The following MYO16 variants were observed in gnomAD, a reference collection of about 807,000 sequenced individuals.
MYO16 encodes myosin XVI.
MYO16 carries 94 observed loss-of-function variants against 205.3 expected under a neutral mutation model. That is an observed-to-expected ratio of 0.46 (90% CI 0.39 to 0.54). The LOEUF is 0.54. MYO16 is among the 20% of genes least tolerant of loss of function. MYO16 has a pLI of 0.00. For missense variants in MYO16, 2,315 were observed against 2,387.5 expected (o/e 0.97, Z 0.63); for synonymous variants, 988 against 954.0 (o/e 1.04, Z -0.66).
chr13:109,126,015 A>C (rs1876231231), intron 30 of MYO16, among the ~76,000 whole-genome samples: 1 of 152,184 alleles, frequency 6.6e-6, no homozygotes, highest in Admixed American at 6.5e-5. Flanking sequence ...CACCCCTAAG[A>C]GGGAGGGCAA....
chr13:108,549,833 C>A, the MYO16 span, among the ~76,000 whole-genome samples: 10 of 152,148 alleles, frequency 6.6e-5, no homozygotes, highest in African/African-American at 1.9e-4. Flanking sequence ...GTTTAAAAGA[C>A]CCTAATATGT....
intron 3 of MYO16, among the ~76,000 whole-genome samples, chr13:108,716,164 C>T (rs1387123531): frequency 1.3e-5 from 2 of 152,188 alleles, no homozygotes; most frequent in Non-Finnish European, 2.9e-5. Context: ...AGTGAATTTT[C>T]AATGCATAGT....
Position 108,793,649 on chromosome 13 carries a change from A to C in MYO16, c.741+9A>C. 1.9e-6 allele frequency: 3 copies of C among 1,610,740 alleles called. No individual in the cohort carries two copies. Among genetic ancestry groups the C allele is most frequent in the Non-Finnish European group, 2.5e-6 (3 of 1,177,988 alleles). On this transcript the variant is annotated intron_variant, in intron 6 of 34. Coordinates refer to ENST00000457511, the MANE Select transcript of MYO16 (RefSeq NM_001198950.3). ...ATGAAGGAGTAACCCTGGTAAGTTC[A>C]TATATTTGACTCAGAAACTATTTGA... is the stretch of plus-strand genomic sequence containing the variant.
At chr13:108,640,084 T>C (rs1880435254) in intron 1 of MYO16, among the ~76,000 whole-genome samples, 1 of 152,164 alleles carries the variant, frequency 6.6e-6, no homozygotes, top group African/African-American at 2.4e-5. Context: ...ATGGGAGTTG[T>C]TAGCATACTG....
chr13:108,810,092 C>A (rs1293868506), intron 7 of MYO16, among the ~76,000 whole-genome samples: 1 of 152,132 alleles, frequency 6.6e-6, no homozygotes, highest in Non-Finnish European at 1.5e-5. Context: ...CCAGAAATGG[C>A]CATTTACAAT....
intron 1 of MYO16, among the ~76,000 whole-genome samples, chr13:108,620,371 A>C (rs1482684624): frequency 6.6e-6 from 1 of 152,136 alleles, no homozygotes. Context: ...CCTGAGTTTT[A>C]GGGCTGCTCT....
chr13:108,715,196 C>T (rs1883894028), intron 3 of MYO16, among the ~76,000 whole-genome samples: 3 of 152,198 alleles, frequency 2.0e-5, no homozygotes, highest in African/African-American at 7.2e-5. Context: ...TCAGCGCTGG[C>T]CCGTGCTCCT....
intron 2 of MYO16, among the ~76,000 whole-genome samples, chr13:108,668,872 C>T (rs908754536): frequency 1.3e-5 from 2 of 151,962 alleles, no homozygotes; most frequent in Non-Finnish European, 2.9e-5. Flanking sequence ...AGGGTGAAAT[C>T]GGGACAGCCA....
chr13:108,876,924 C>T (rs745958091), intron 12 of MYO16, among the ~76,000 whole-genome samples: 11 of 152,120 alleles, frequency 7.2e-5, no homozygotes, highest in Non-Finnish European at 1.3e-4. Context: ...CCTCAGTCCC[C>T]CAAAGTGCTG....
At chr13:108,878,792 C>T (rs908515314) in intron 12 of MYO16, among the ~76,000 whole-genome samples, 1 of 152,240 alleles carries the variant, frequency 6.6e-6, no homozygotes, top group Admixed American at 6.5e-5. Context: ...CATCTGCATG[C>T]TCCCCCTCCC....
intron 33 of MYO16, among the ~76,000 whole-genome samples, chr13:109,176,483 T>TA (rs1182869082): frequency 1.2e-4 from 18 of 150,624 alleles, no homozygotes; most frequent in African/African-American, 3.4e-4. Context: ...TCTTTTTTTT[T>TA]ATTCATGGTT....
rs371906280 is a variant in MYO16, at chr13:109,135,064, C to T, written c.4052-5200C>T. Reference sequence around the variant, plus strand: ...CCGGTACGATTCCTGAGAGAGACAGCGCCTCAAGTGTGTCCTCTTCTAACT... The same window carrying T: ...CCGGTACGATTCCTGAGAGAGACAGTGCCTCAAGTGTGTCCTCTTCTAACT... On this transcript the variant is annotated intron_variant, in intron 31 of 34. Transcript: ENST00000457511. 5.9e-5 allele frequency among the ~76,000 whole-genome samples: 9 copies of T among 152,270 alleles called. No individual in the cohort carries two copies. In the South Asian group the frequency reaches 6.2e-4, roughly 11 times the overall value.
At chr13:108,676,384 TG>T (rs1882208730) in intron 2 of MYO16, among the ~76,000 whole-genome samples, 1 of 144,698 alleles carries the variant, frequency 6.9e-6, no homozygotes, top group African/African-American at 2.5e-5. Context: ...TGTGTGTGTG[TG>T]TGTGTGTGTG....
intron 33 of MYO16, among the ~76,000 whole-genome samples, chr13:109,178,630 C>T (rs1368383946): frequency 6.6e-6 from 1 of 152,090 alleles, no homozygotes; most frequent in Non-Finnish European, 1.5e-5. Context: ...GTTTATTAAT[C>T]GAAGTCACTT....
At chr13:108,537,959 AGTCT>A in the MYO16 span, among the ~76,000 whole-genome samples, 1 of 152,036 alleles carries the variant, frequency 6.6e-6, no homozygotes, top group East Asian at 1.9e-4. Flanking sequence ...CCCATTCTGT[AGTCT>A]GTCTGTTCAT....
chr13:108,590,159 C>T, the MYO16 span, among the ~76,000 whole-genome samples: 1 of 152,094 alleles, frequency 6.6e-6, no homozygotes, highest in Admixed American at 6.6e-5. Flanking sequence ...AGCATATTTC[C>T]AGCACAGATT....
rs1887397637 is a variant in MYO16, at chr13:109,055,753, CAATG to C, written c.3335+161_3335+164del. On this transcript the variant is annotated intron_variant, in intron 27 of 34. Coordinates refer to ENST00000457511, the MANE Select transcript of MYO16 (RefSeq NM_001198950.3). This position sits in a 1 kb window ranked among gnomAD's most constrained non-coding sequence, Gnocchi z 5.0. ...CCAATAAACAAAATATTCTGGGAAA[CAATG>C]AAATACACTGACAAAGCTCACATAA... is the stretch of plus-strand genomic sequence containing the variant. 4.8e-6 allele frequency: 3 copies of C among 623,898 alleles called. No homozygotes were observed. The highest frequency in any genetic ancestry group is 5.6e-6 in the Non-Finnish European group (2 of 359,106). The allele number at this position is 623,898 out of a possible 1,614,324, so 38.6% of individuals were successfully genotyped here.
chr13:108,827,716 C>G (rs1275647243), intron 9 of MYO16, among the ~76,000 whole-genome samples: 1 of 152,162 alleles, frequency 6.6e-6, no homozygotes, highest in Admixed American at 6.5e-5. Context: ...CTCCTCAGTT[C>G]CTTCTGACTG....
chr13:108,804,936 A>G (rs1389128203), intron 6 of MYO16, among the ~76,000 whole-genome samples: 2 of 152,142 alleles, frequency 1.3e-5, no homozygotes, highest in Non-Finnish European at 2.9e-5. Flanking sequence ...AGCAAATCTA[A>G]TCCTGCAGGG....
Sources: allele counts gnomAD v4.1 joint callset (sites outside exome capture counted in the v4.1 genomes callset), GRCh38; gene constraint gnomAD v4.1.1; non-coding constraint Gnocchi (gnomAD v3.1); transcripts MANE v1.5; gene names NCBI Gene and HGNC (gene_info 2026-07-23, HGNC 2026-07-21).